LARGE1: variants seen among roughly 807,000 people sequenced by gnomAD.
LARGE1 encodes LARGE xylosyl- and glucuronyltransferase 1.
A neutral mutation model predicts 87.6 loss-of-function variants in LARGE1; 43 were observed. That is an observed-to-expected ratio of 0.49 (90% confidence interval 0.38 to 0.63). LARGE1 has a LOEUF of 0.63. Ranked by LOEUF, LARGE1 falls within the 30% of genes least tolerant of loss-of-function variation. The pLI is 0.00. For synonymous variants in LARGE1, 434 were observed against 394.6 expected (o/e 1.10, Z -1.18); for missense variants, 802 against 1,000.2 (o/e 0.80, Z 2.67).
intron 1 of LARGE1, among the ~76,000 whole-genome samples, chr22:33,903,376 C>A (rs1011232805): frequency 6.6e-6 from 1 of 152,120 alleles, no homozygotes; most frequent in East Asian, 1.9e-4. Context: ...TTAAGCTCCA[C>A]AGTCTATGGT....
At chr22:33,446,695 T>C (rs2067698732) in intron 6 of LARGE1, among the ~76,000 whole-genome samples, 1 of 152,110 alleles carries the variant, frequency 6.6e-6, no homozygotes, top group Non-Finnish European at 1.5e-5. Flanking sequence ...CTGGGGGCCT[T>C]GTGGTCAAGG....
intron 5 of LARGE1, among the ~76,000 whole-genome samples, chr22:33,593,864 T>C (rs1242457413): frequency 6.6e-6 from 1 of 152,244 alleles, no homozygotes; most frequent in Non-Finnish European, 1.5e-5. Flanking sequence ...ATCACACAGA[T>C]GAGTTGCTGT....
intron 1 of LARGE1, among the ~76,000 whole-genome samples, chr22:33,792,159 G>A (rs1372372691): frequency 1.3e-5 from 2 of 152,196 alleles, no homozygotes; most frequent in African/African-American, 2.4e-5. Flanking sequence ...GTTAGGAGGT[G>A]ATATGCTTTG....
chr22:33,480,956 A>C (rs2069294372), intron 6 of LARGE1, among the ~76,000 whole-genome samples: 1 of 152,284 alleles, frequency 6.6e-6, no homozygotes. Context: ...AAATTTAACA[A>C]CTTAAATTTA....
intron 1 of LARGE1, among the ~76,000 whole-genome samples, chr22:33,896,869 A>G (rs2065159165): frequency 6.6e-6 from 1 of 152,208 alleles, no homozygotes; most frequent in Non-Finnish European, 1.5e-5. Context: ...GCTGTGCTAC[A>G]GGGGCCAAGT....
At chr22:33,646,085 G>T (rs1289891648) in intron 3 of LARGE1, among the ~76,000 whole-genome samples, 3 of 151,984 alleles carry the variant, frequency 2.0e-5, no homozygotes, top group Non-Finnish European at 4.4e-5. Flanking sequence ...GCAATCTACT[G>T]GGTATATACC....
intron 1 of LARGE1, among the ~76,000 whole-genome samples, chr22:33,904,143 C>T (rs536041376): frequency 6.6e-5 from 10 of 152,178 alleles, no homozygotes; most frequent in African/African-American, 2.4e-4. Context: ...CTACCAGCTC[C>T]GGGGATGTGG....
At chr22:33,268,604 T>G (rs1339765491), downstream of LARGE1, among the ~76,000 whole-genome samples, 1 of 151,676 alleles carries the variant, frequency 6.6e-6, no homozygotes, top group African/African-American at 2.4e-5. Context: ...ATTTTTTGTA[T>G]TTTTAGTAGA....
At chr22:33,899,101 A>G (rs2065219740) in intron 1 of LARGE1, among the ~76,000 whole-genome samples, 1 of 152,134 alleles carries the variant, frequency 6.6e-6, no homozygotes, top group African/African-American at 2.4e-5. Context: ...CAATTACCAC[A>G]TCTCAATCTC....
chr22:33,557,075 C>G (rs768963746), intron 6 of LARGE1, among the ~76,000 whole-genome samples: 11 of 152,298 alleles, frequency 7.2e-5, no homozygotes, highest in Non-Finnish European at 1.5e-4. Flanking sequence ...TTGTGCAATA[C>G]AGAGCCATTA....
chr22:33,224,562 A>G (rs1421855225), intron 11 of LARGE1, among the ~76,000 whole-genome samples: 9 of 152,228 alleles, frequency 5.9e-5, no homozygotes, highest in Non-Finnish European at 1.3e-4. Context: ...TGTTCAGTCC[A>G]AGTACCATGG....
intron 2 of LARGE1, among the ~76,000 whole-genome samples, chr22:33,655,065 CT>C (rs1244762118): frequency 6.6e-6 from 1 of 152,180 alleles, no homozygotes; most frequent in Non-Finnish European, 1.5e-5. Flanking sequence ...CCATATGTAT[CT>C]TGTTGCAGAG....
chr22:33,762,569 T>A (rs556023126), intron 1 of LARGE1, among the ~76,000 whole-genome samples: 5 of 152,154 alleles, frequency 3.3e-5, no homozygotes, highest in African/African-American at 9.6e-5. Context: ...GCTTCCACCC[T>A]CAATATGGAA....
chr22:33,629,688 T>C (rs1240459825), intron 3 of LARGE1, among the ~76,000 whole-genome samples: 1 of 152,196 alleles, frequency 6.6e-6, no homozygotes, highest in Non-Finnish European at 1.5e-5. Context: ...AAAATGGTTT[T>C]GTCATGTGAC....
intron 7 of LARGE1, among the ~76,000 whole-genome samples, chr22:33,431,328 G>C (rs1447737619): frequency 6.6e-6 from 1 of 152,210 alleles, no homozygotes; most frequent in Non-Finnish European, 1.5e-5. Flanking sequence ...AACAAGAAGG[G>C]TTGATGGATG....
At chr22:33,811,332 G>A (rs909986176) in intron 1 of LARGE1, among the ~76,000 whole-genome samples, 1 of 152,170 alleles carries the variant, frequency 6.6e-6, no homozygotes, top group Non-Finnish European at 1.5e-5. Context: ...TAATTTAGCA[G>A]AGCAAGTAAA....
chr22:33,921,530 A>G (rs2065950855), upstream of LARGE1, among the ~76,000 whole-genome samples: 1 of 152,118 alleles, frequency 6.6e-6, no homozygotes, highest in Non-Finnish European at 1.5e-5. The surrounding 1 kb of genome is among the most constrained non-coding windows in gnomAD (Gnocchi z 4.1). Context: ...GGAGGTGGGC[A>G]TGCTGTGGGG....
At chr22:33,503,326 G>C (rs773987748) in intron 6 of LARGE1, among the ~76,000 whole-genome samples, 3 of 148,090 alleles carry the variant, frequency 2.0e-5, no homozygotes, top group Non-Finnish European at 3.0e-5. Context: ...GTGCGATCTC[G>C]GCTCACTGCA....
intron 2 of LARGE1, among the ~76,000 whole-genome samples, chr22:33,713,086 G>C (rs535188585): frequency 3.7e-4 from 56 of 152,186 alleles, no homozygotes; most frequent in Middle Eastern, 3.4e-3. Context: ...GCAGCTCAGT[G>C]CTTCATTTCA....
Sources: gnomAD v4.1 joint callset for allele counts (sites outside exome capture counted in the v4.1 genomes callset) on GRCh38, gnomAD v4.1.1 for gene constraint, Gnocchi (gnomAD v3.1) non-coding constraint, MANE v1.5 for transcripts, NCBI Gene and HGNC (gene_info 2026-07-23, HGNC 2026-07-21) for gene names.